The following CSMD1 variants were observed in gnomAD, a reference collection of about 807,000 sequenced individuals.
CSMD1 encodes the protein CUB and sushi domain-containing protein 1.
Under a neutral mutation model 417.5 loss-of-function variants are expected in CSMD1, and 213 were observed. The observed-to-expected ratio is 0.51, with a 90% CI of 0.46 to 0.57. The LOEUF is 0.57. Ranked by LOEUF, CSMD1 falls within the 20% of genes least tolerant of loss-of-function variation. The probability of loss-of-function intolerance (pLI) is 0.00; values close to 1 mark genes in which losing one functional copy is unlikely to be tolerated. For synonymous variants in CSMD1, 2,862 were observed against 1,736.8 expected, an observed-to-expected ratio of 1.65 and a Z score of -16.11; for missense variants, 6,923 against 4,529.7, an observed-to-expected ratio of 1.53 and a Z score of -15.17.
chr8:4,307,407 A>G lies in CSMD1; in HGVS notation c.415+112546T>C, dbSNP rs113888360. Reference sequence around the variant, plus strand: ...CTCCTGCACTCTTTTCTCCACCACAATTCTCGTATCACACCAAGTTGAGAT... The same window carrying G: ...CTCCTGCACTCTTTTCTCCACCACAGTTCTCGTATCACACCAAGTTGAGAT... On this transcript the variant is annotated intron_variant, in intron 3 of 69. Coordinates refer to ENST00000635120, the MANE Select transcript of CSMD1 (RefSeq NM_033225.6). Among the ~76,000 whole-genome samples, 25 of 152,308 alleles carry G rather than the reference A, an allele frequency of 1.6e-4. 1 individual carries two copies. The highest frequency in any genetic ancestry group is 5.5e-4 in the African/African-American group (23 of 41,580).
At chr8:3,712,970 C>CA in intron 6 of CSMD1, among the ~76,000 whole-genome samples, 1 of 151,988 alleles carries the variant, frequency 6.6e-6, no homozygotes, top group Non-Finnish European at 1.5e-5. Context: ...TTGTGTGCTT[C>CA]AAAGGTGCTG....
chr8:4,865,679 A>C (rs1337344224), intron 1 of CSMD1, among the ~76,000 whole-genome samples: 1 of 151,796 alleles, frequency 6.6e-6, no homozygotes. Context: ...AATCATTGGG[A>C]GGGGTACTTC....
intron 49 of CSMD1, among the ~76,000 whole-genome samples, chr8:3,070,348 T>C (rs1481495423): frequency 6.6e-6 from 1 of 152,234 alleles, no homozygotes; most frequent in Admixed American, 6.5e-5. Flanking sequence ...CTGCAAATTT[T>C]TTAAACTTTT....
intron 1 of CSMD1, among the ~76,000 whole-genome samples, chr8:4,774,931 C>G (rs1796772514): frequency 6.6e-6 from 1 of 152,182 alleles, no homozygotes; most frequent in Non-Finnish European, 1.5e-5. Flanking sequence ...ATGATGTTCT[C>G]TGTACAGCCT....
At chr8:4,224,179 CA>C (rs1452424069) in intron 3 of CSMD1, among the ~76,000 whole-genome samples, 1 of 151,914 alleles carries the variant, frequency 6.6e-6, no homozygotes, top group Non-Finnish European at 1.5e-5. Context: ...AAACTATAGA[CA>C]AGTGAAAGTT....
chr8:3,564,398 G>C (rs376810856), intron 10 of CSMD1, among the ~76,000 whole-genome samples: 1 of 152,112 alleles, frequency 6.6e-6, no homozygotes, highest in Admixed American at 6.5e-5. Context: ...ACTCACACCT[G>C]CTAAATAGTT....
chr8:4,679,392 C>T (rs1584935407), intron 1 of CSMD1, among the ~76,000 whole-genome samples: 2 of 152,254 alleles, frequency 1.3e-5, no homozygotes, highest in Admixed American at 6.5e-5. Context: ...AATGGATGTG[C>T]CTAACAACGA....
rs1047129559 is a variant in CSMD1 at position 4,405,434 on chromosome 8, G to A, written c.415+14519C>T. Among the ~76,000 whole-genome samples the A allele has an allele frequency of 3.3e-5, 5 of 151,712 alleles. No individual in the cohort carries two copies. In the South Asian group the frequency reaches 8.3e-4, roughly 25 times the overall value. On this transcript the variant is annotated intron_variant, in intron 3 of 69. Transcript: ENST00000635120. The stretch of plus-strand genomic sequence containing the variant: ...AGTTTCTTAACCTCAGTTGTCAATT[G>A]TAAAATGAAGATTTTAACGCCCATC...
chr8:3,734,723 A>G (rs1796438292), intron 6 of CSMD1, among the ~76,000 whole-genome samples: 1 of 152,194 alleles, frequency 6.6e-6, no homozygotes, highest in African/African-American at 2.4e-5. Context: ...AAAAATAAGT[A>G]AAATGAAATA....
intron 3 of CSMD1, among the ~76,000 whole-genome samples, chr8:4,083,367 G>C (rs922518838): frequency 6.6e-6 from 1 of 152,170 alleles, no homozygotes; most frequent in East Asian, 1.9e-4. Context: ...GATGGCCAGT[G>C]ATGGTGAGCA....
intron 2 of CSMD1, among the ~76,000 whole-genome samples, chr8:4,476,234 G>T (rs1247945240): frequency 6.6e-6 from 1 of 151,988 alleles, no homozygotes; most frequent in Non-Finnish European, 1.5e-5. Context: ...TTTAAAAAAA[G>T]ATATGCTAGA....
At chr8:4,666,638 C>A (rs1294384746) in intron 1 of CSMD1, among the ~76,000 whole-genome samples, 1 of 152,094 alleles carries the variant, frequency 6.6e-6, no homozygotes, top group East Asian at 1.9e-4. Context: ...ATATAAGCAA[C>A]AGGAAAATAG....
chr8:4,565,747 T>C (rs1287380010), intron 2 of CSMD1, among the ~76,000 whole-genome samples: 16 of 63,864 alleles, frequency 2.5e-4, no homozygotes, highest in East Asian at 9.1e-4. Flanking sequence ...AAAAAATATA[T>C]ACATATATAT....
chr8:4,249,872 G>A (rs1026858272), intron 3 of CSMD1, among the ~76,000 whole-genome samples: 1 of 152,126 alleles, frequency 6.6e-6, no homozygotes, highest in Non-Finnish European at 1.5e-5. Context: ...TCTTGAGTTG[G>A]CAACTAAATC....
intron 3 of CSMD1, among the ~76,000 whole-genome samples, chr8:4,214,451 C>A (rs1800510041): frequency 6.6e-6 from 1 of 152,136 alleles, no homozygotes; most frequent in Non-Finnish European, 1.5e-5. Flanking sequence ...GCATGCACCA[C>A]CACACTTGGC....
intron 18 of CSMD1, among the ~76,000 whole-genome samples, chr8:3,378,476 G>A (rs1179820854): frequency 6.6e-6 from 1 of 152,140 alleles, no homozygotes; most frequent in Non-Finnish European, 1.5e-5. Context: ...TATCCCTGAA[G>A]AACACCGATG....
Position 3,004,210 on chromosome 8 carries a change from A to G in CSMD1, c.8030-4079T>C, listed in dbSNP as rs138763059. On this transcript the variant is annotated intron_variant, in intron 52 of 69. Coordinates refer to ENST00000635120, the MANE Select transcript of CSMD1 (RefSeq NM_033225.6). ...ACCTTACACTATGATGCCAGAGCCCAGAGGCTGTGATTTGTCTTGATTTTG... is the reference window on the plus strand; with the variant it reads ...ACCTTACACTATGATGCCAGAGCCCGGAGGCTGTGATTTGTCTTGATTTTG... 4.9e-3 allele frequency among the ~76,000 whole-genome samples: 751 copies of G among 152,328 alleles called. 3 individuals are homozygous for G. Among genetic ancestry groups the G allele is most frequent in the African/African-American group, 0.017 (702 of 41,568 alleles).
chr8:4,994,361 A>T lies in CSMD1; in HGVS notation c.56T>A (p.Leu19Gln). 6.2e-7 allele frequency: 1 copy of T among 1,611,872 alleles called. No individual in the cohort carries two copies. The highest frequency in any genetic ancestry group is 8.5e-7 in the Non-Finnish European group (1 of 1,179,844). ...CGCTGCAGTGAGGAGCCTCGCGCACAGCACCAGCAGCCCGAGAAGCAGGAG... is the reference window on the plus strand; with the variant it reads ...CGCTGCAGTGAGGAGCCTCGCGCACTGCACCAGCAGCCCGAGAAGCAGGAG... ...SLLLLLGLLV[L>Q]CARLLTAAKG... Residue 19 changes from leucine (L) to glutamine (Q), a missense_variant, in exon 1 of 70, where the codon CTG becomes CAG. Leu to Gln is a moderately radical substitution (Grantham distance 113). Coordinates refer to ENST00000635120, the MANE Select transcript of CSMD1 (RefSeq NM_033225.6).
intron 1 of CSMD1, among the ~76,000 whole-genome samples, chr8:4,938,576 GTC>G (rs1807774984): frequency 6.6e-6 from 1 of 152,200 alleles, no homozygotes. Flanking sequence ...ACAGTTGTCA[GTC>G]TTATCGGGAA....
Sources: allele counts gnomAD v4.1 joint callset (sites outside exome capture counted in the v4.1 genomes callset), GRCh38; gene constraint gnomAD v4.1.1; transcripts MANE v1.5; gene names NCBI Gene and HGNC (gene_info 2026-07-23, HGNC 2026-07-21).